Variants in THEMIS observed in about 807,000 individuals in gnomAD.
THEMIS encodes protein THEMIS.
A neutral mutation model predicts 52.6 loss-of-function variants in THEMIS; 37 were observed. The observed-to-expected ratio is 0.70, with a 90% CI of 0.54 to 0.93. The LOEUF (loss-of-function observed/expected upper bound fraction) is 0.93, where lower values mean the gene tolerates loss of function less well. THEMIS is among the 40% of genes least tolerant of loss of function. THEMIS has a pLI of 0.00. For synonymous variants in THEMIS, 292 were observed against 272.7 expected, an observed-to-expected ratio of 1.07 and a Z score of -0.70; for missense variants, 808 against 763.1, an observed-to-expected ratio of 1.06 and a Z score of -0.69.
At position 127,909,599 on chromosome 6, in the gene THEMIS, T is replaced by A. The variant is rs541569426; in HGVS notation, c.-149-8518A>T. Reference sequence around the variant, plus strand: ...CCTTTATAAATTAGCTAGTCCTGGGTATCCTTATAGCAGCATGAGAACAGA... The same window carrying A: ...CCTTTATAAATTAGCTAGTCCTGGGAATCCTTATAGCAGCATGAGAACAGA... On this transcript the variant is annotated intron_variant, in intron 1 of 6. Coordinates refer to the THEMIS transcript ENST00000368250. 7.2e-5 allele frequency among the ~76,000 whole-genome samples: 11 copies of A among 152,244 alleles called. No individual in the cohort carries two copies. In the East Asian group the frequency reaches 1.9e-3, roughly 27 times the overall value.
chr6:127,728,628 T>C (rs951288560), intron 4 of THEMIS, among the ~76,000 whole-genome samples: 5 of 152,194 alleles, frequency 3.3e-5, no homozygotes, highest in African/African-American at 9.6e-5. Flanking sequence ...GCAACAACTA[T>C]GCAAAGGTAA....
At chr6:127,750,449 A>C (rs1053726758) in intron 4 of THEMIS, among the ~76,000 whole-genome samples, 5 of 151,854 alleles carry the variant, frequency 3.3e-5, no homozygotes, top group Non-Finnish European at 7.4e-5. Flanking sequence ...AGAAAACACG[A>C]ACCAACTCAC....
intron 1 of THEMIS, among the ~76,000 whole-genome samples, chr6:127,908,841 GAGAGAAACTCAA>G (rs1175203961): frequency 1.3e-5 from 2 of 151,600 alleles, no homozygotes; most frequent in East Asian, 3.9e-4. Context: ...TCTTATAACT[GAGAGAAACTCAA>G]AGATGCCATT....
At chr6:127,768,837 C>T (rs17055025) in intron 4 of THEMIS, among the ~76,000 whole-genome samples, 10,597 of 152,208 alleles carry the variant, frequency 0.07, 375 homozygotes, top group Non-Finnish European at 0.086. Flanking sequence ...ATTGGCTTTG[C>T]TTTCGATGAA....
intron 4 of THEMIS, among the ~76,000 whole-genome samples, chr6:127,759,211 C>T (rs376111610): frequency 1.3e-5 from 2 of 151,966 alleles, no homozygotes; most frequent in South Asian, 2.1e-4. Flanking sequence ...ATTGCATATA[C>T]TAAACTTTTA....
chr6:127,769,127 A>AT (rs1303557672), intron 4 of THEMIS, among the ~76,000 whole-genome samples: 2 of 152,128 alleles, frequency 1.3e-5, no homozygotes, highest in African/African-American at 2.4e-5. Context: ...ACTTGGGTCC[A>AT]TTTTTTTGAT....
At chr6:127,747,362 TATA>T (rs1291982079) in intron 4 of THEMIS, among the ~76,000 whole-genome samples, 16 of 144,788 alleles carry the variant, frequency 1.1e-4, no homozygotes, top group Non-Finnish European at 7.5e-5. Flanking sequence ...AGATATATAA[TATA>T]ATATTATATT....
intron 4 of THEMIS, among the ~76,000 whole-genome samples, chr6:127,808,106 A>C (rs1777781059): frequency 6.6e-6 from 1 of 152,214 alleles, no homozygotes; most frequent in African/African-American, 2.4e-5. Flanking sequence ...CAGGCAGCAA[A>C]GTGGACACTT....
chr6:127,898,394 G>T (rs1051214999), intron 1 of THEMIS, among the ~76,000 whole-genome samples: 1 of 151,722 alleles, frequency 6.6e-6, no homozygotes, highest in African/African-American at 2.4e-5. Context: ...ATCCCAGTTA[G>T]ATTTCTTATA....
intron 4 of THEMIS, among the ~76,000 whole-genome samples, chr6:127,784,538 T>TCA (rs1776857229): frequency 6.6e-6 from 1 of 152,010 alleles, no homozygotes; most frequent in Admixed American, 6.6e-5. Context: ...TTAAATCCTC[T>TCA]CACACACACA....
chr6:127,774,427 G>A (rs542015827), intron 4 of THEMIS, among the ~76,000 whole-genome samples: 1 of 152,068 alleles, frequency 6.6e-6, no homozygotes, highest in Non-Finnish European at 1.5e-5. Context: ...GGATGGTCTC[G>A]ATCTCCTGAC....
At chr6:127,707,111 G>A (rs2114438065), downstream of THEMIS, among the ~76,000 whole-genome samples, 1 of 152,170 alleles carries the variant, frequency 6.6e-6, no homozygotes, top group East Asian at 1.9e-4. Flanking sequence ...AAAGCCATCA[G>A]ATCTCATGAG....
chr6:127,894,454 G>T (rs1485774334), intron 1 of THEMIS, among the ~76,000 whole-genome samples: 2 of 151,844 alleles, frequency 1.3e-5, no homozygotes, highest in Non-Finnish European at 2.9e-5. Flanking sequence ...ATTATAATTA[G>T]ATCTGAGGAA....
At chr6:127,760,948 T>C (rs1208706287) in intron 4 of THEMIS, among the ~76,000 whole-genome samples, 1 of 152,058 alleles carries the variant, frequency 6.6e-6, no homozygotes, top group Non-Finnish European at 1.5e-5. Context: ...AATAAATGGG[T>C]CTATGTCAAA....
chr6:127,847,667 A>C (rs1779264598), intron 2 of THEMIS, among the ~76,000 whole-genome samples: 2 of 151,984 alleles, frequency 1.3e-5, no homozygotes, highest in African/African-American at 4.8e-5. Context: ...ATGGAAACAC[A>C]TCCCATGCTC....
At chr6:127,899,290 C>A in intron 1 of THEMIS, among the ~76,000 whole-genome samples, 2 of 151,390 alleles carry the variant, frequency 1.3e-5, no homozygotes, top group Non-Finnish European at 1.5e-5. Context: ...ATATCTAAGC[C>A]AATTTAGGAA....
At chr6:127,734,809 C>T (rs1315986206) in intron 4 of THEMIS, among the ~76,000 whole-genome samples, 1 of 126,282 alleles carries the variant, frequency 7.9e-6, no homozygotes, top group Non-Finnish European at 1.5e-5. Flanking sequence ...GCTGAGGTTG[C>T]AATGAGCCGA....
intron 4 of THEMIS, among the ~76,000 whole-genome samples, chr6:127,747,321 C>A (rs1389066749): frequency 8.1e-6 from 1 of 123,618 alleles, no homozygotes; most frequent in African/African-American, 2.6e-5. Context: ...TTATAAATAT[C>A]TATATCTATA....
intron 2 of THEMIS, among the ~76,000 whole-genome samples, chr6:127,841,163 T>C (rs574900254): frequency 2.0e-5 from 3 of 152,000 alleles, no homozygotes; most frequent in Non-Finnish European, 4.4e-5. Context: ...TCTAGTGTTG[T>C]ACATTGATGG....
Sources: gnomAD v4.1 joint callset for allele counts (sites outside exome capture counted in the v4.1 genomes callset) on GRCh38, gnomAD v4.1.1 for gene constraint, MANE v1.5 for transcripts, NCBI Gene and HGNC (gene_info 2026-07-23, HGNC 2026-07-21) for gene names.